The following PIGN variants were observed in gnomAD, a reference collection of about 807,000 sequenced individuals.
The protein encoded by PIGN is phosphatidylinositol glycan anchor biosynthesis class N.
A neutral mutation model predicts 125.4 loss-of-function variants in PIGN; 117 were observed. The observed-to-expected ratio is 0.93, with a 90% CI of 0.80 to 1.09. The LOEUF is 1.09. Among genes scored for constraint, PIGN ranks in the 50% least tolerant of loss-of-function variants. PIGN has a pLI of 0.00. For missense variants in PIGN, 1,075 were observed against 1,094.9 expected (o/e 0.98, Z 0.26); for synonymous variants, 392 against 377.8 (o/e 1.04, Z -0.44).
chr18:62,161,435 T>C (rs895742136), intron 3 of PIGN, 50 bp from the exon 4 acceptor site: 5 of 775,602 alleles, frequency 6.4e-6, no homozygotes, highest in East Asian at 2.7e-5. Flanking sequence ...TGCATTCATA[T>C]GTATTTTCAC....
intron 7 of PIGN, 107 bp from the exon 8 acceptor site, chr18:62,148,445 T>C: frequency 1.3e-6 from 1 of 750,194 alleles, no homozygotes; most frequent in Admixed American, 3.7e-5. Context: ...TTAAATTATC[T>C]CACGTTGTTT....
At chr18:62,133,939 C>T (rs559914134) in intron 14 of PIGN, among the ~76,000 whole-genome samples, 181 of 152,288 alleles carry the variant, frequency 1.2e-3, no homozygotes, top group Non-Finnish European at 2.1e-3. Context: ...TATTCCGGTA[C>T]TTGCCTACAT....
In PIGN at chr18:62,154,601, CCT is replaced by C. The variant is rs748817187; in HGVS notation, c.491_492del (p.Glu164GlyfsTer16). On this transcript the variant is annotated frameshift_variant, in exon 7 of 31. Transcript: ENST00000640252. LOFTEE classifies it high-confidence loss of function. Reference protein sequence around the residue: ...VYTYSYDAKREDFGAQDATKL... With the variant: ...VYTYSYDAKRXDFGAQDATKL... ...TTTGTTGCATCTTGAGCACCAAAAT[CCT>C]CTCTTTTAGCATCATAACTATATGT... is the stretch of plus-strand genomic sequence containing the variant. 7.5e-6 allele frequency: 12 copies of C among 1,597,022 alleles called. No homozygotes were observed. The highest frequency in any genetic ancestry group is 4.5e-5 in the East Asian group (2 of 44,688).
At chr18:62,048,073 TGGAA>T (rs2030885542) in intron 30 of PIGN, among the ~76,000 whole-genome samples, 1 of 152,032 alleles carries the variant, frequency 6.6e-6, no homozygotes, top group South Asian at 2.1e-4. Flanking sequence ...AAAATTTCCA[TGGAA>T]GTGCTCAATA....
At chr18:62,105,457 G>T in intron 20 of PIGN, 86 bp downstream of exon 20, 1 of 746,388 alleles carries the variant, frequency 1.3e-6, no homozygotes, top group South Asian at 1.7e-5. Context: ...TTATATTCTT[G>T]ACCAAGATTA....
intron 23 of PIGN, among the ~76,000 whole-genome samples, chr18:62,019,630 C>A (rs2030027051): frequency 6.6e-6 from 1 of 152,208 alleles, no homozygotes; most frequent in Non-Finnish European, 1.5e-5. Flanking sequence ...AGGTGAGCCA[C>A]TTCTCCATGG....
At chr18:62,158,092 C>T (rs2036807426) in intron 4 of PIGN, 2 of 275,068 alleles carry the variant, frequency 7.3e-6, no homozygotes, top group Admixed American at 4.7e-5. Context: ...AGCCACAAAA[C>T]AGAGATGGTT....
At position 62,183,943 on chromosome 18, in the gene PIGN, TTTAA is replaced by T. The variant is rs559759292; in HGVS notation, c.-236+2897_-236+2900del. 9.7e-4 allele frequency among the ~76,000 whole-genome samples: 148 copies of T among 152,314 alleles called. 1 individual carries two copies. Among genetic ancestry groups the T allele is most frequent in the African/African-American group, 3.5e-3 (144 of 41,586 alleles). On this transcript the variant is annotated intron_variant, in intron 1 of 30. Coordinates refer to ENST00000640252, the MANE Select transcript of PIGN (RefSeq NM_176787.5). ...ATATCAGCATTCACTAACTACTTAT[TTTAA>T]TTAGTTTAATTGCTTAATACTAAAT... is the stretch of plus-strand genomic sequence containing the variant.
chr18:62,059,408 A>G (rs1173074064), intron 30 of PIGN, among the ~76,000 whole-genome samples: 1 of 152,176 alleles, frequency 6.6e-6, no homozygotes, highest in Admixed American at 6.5e-5. Context: ...TTAATCTTTT[A>G]TAAGCATTAT....
At chr18:62,157,920 T>C in intron 4 of PIGN, 112 bp from the exon 5 acceptor site, 1 of 1,020,894 alleles carries the variant, frequency 9.8e-7, no homozygotes. Flanking sequence ...AAAACTTAAG[T>C]CAAAACTTAA....
chr18:62,034,365 A>G (rs930666496), intron 23 of PIGN, among the ~76,000 whole-genome samples: 1 of 152,154 alleles, frequency 6.6e-6, no homozygotes, highest in African/African-American at 2.4e-5. Context: ...CAGAGTCTCC[A>G]CTGGTGTACT....
intron 23 of PIGN, among the ~76,000 whole-genome samples, chr18:62,032,447 T>C (rs562578444): frequency 6.6e-6 from 1 of 152,362 alleles, no homozygotes; most frequent in South Asian, 2.1e-4. Flanking sequence ...CTGGTGCAAG[T>C]GTGCCCCAAG....
rs1003674942 is a variant in PIGN, at chr18:62,043,693, C to T, written c.*2163G>A. ...TTGGAAAATGACAGACAAGCTGCAG[C>T]GGTTTCCTAAAGCCTTAGGATTCCC... On this transcript the variant is annotated 3_prime_UTR_variant, in exon 31 of 31. Transcript: ENST00000640252. 1 of 152,142 alleles carries T rather than the reference C, an allele frequency of 6.6e-6. No individual in the cohort carries two copies. The highest frequency in any genetic ancestry group is 1.9e-4 in the East Asian group (1 of 5,198). 9.4% of individuals were successfully genotyped at this position (152,142 alleles called of 1,614,324 possible). A position where few individuals can be genotyped will look rare whatever the true frequency, so the allele number is the denominator to read the frequency against.
chr18:62,160,007 G>A (rs577059221), intron 4 of PIGN, among the ~76,000 whole-genome samples: 3 of 152,152 alleles, frequency 2.0e-5, no homozygotes, highest in Non-Finnish European at 4.4e-5. Flanking sequence ...CAGCTACTCG[G>A]GAGGCTGAGG....
intron 23 of PIGN, among the ~76,000 whole-genome samples, chr18:62,091,388 C>T (rs897920116): frequency 6.6e-6 from 1 of 152,122 alleles, no homozygotes; most frequent in African/African-American, 2.4e-5. Context: ...AAAAGGAACT[C>T]TCATATGCTC....
At chr18:62,054,862 A>G (rs1271583463) in intron 30 of PIGN, among the ~76,000 whole-genome samples, 4 of 152,186 alleles carry the variant, frequency 2.6e-5, no homozygotes, top group Non-Finnish European at 4.4e-5. Context: ...AAAGCTCCAC[A>G]AACAATTCAA....
chr18:62,112,515 T>C (rs1044214148), intron 16 of PIGN: 1 of 152,202 alleles, frequency 6.6e-6, no homozygotes, highest in Non-Finnish European at 1.5e-5. Flanking sequence ...CATACTGTTA[T>C]ATTGTCTCAG....
intron 22 of PIGN, among the ~76,000 whole-genome samples, chr18:62,099,379 G>C (rs1599516514): frequency 6.6e-6 from 1 of 152,064 alleles, no homozygotes; most frequent in Non-Finnish European, 1.5e-5. Context: ...TAATAGTTAT[G>C]AATATTTTGC....
At chr18:62,114,437 G>T in intron 15 of PIGN, 124 bp downstream of exon 15, 1 of 636,920 alleles carries the variant, frequency 1.6e-6, no homozygotes, top group South Asian at 1.8e-5. Flanking sequence ...AGCTACTCAG[G>T]AAATGCAATC....
Sources: allele counts gnomAD v4.1 joint callset (sites outside exome capture counted in the v4.1 genomes callset), GRCh38; gene constraint gnomAD v4.1.1; transcripts MANE v1.5; gene names NCBI Gene and HGNC (gene_info 2026-07-23, HGNC 2026-07-21).